DNMT3B: variants seen among roughly 807,000 people sequenced by gnomAD.
DNMT3B encodes DNA (cytosine-5)-methyltransferase 3B.
In DNMT3B, 37 loss-of-function variants were observed where a neutral mutation model predicts 120.2. That is an observed-to-expected ratio of 0.31 (90% CI 0.24 to 0.40). DNMT3B has a LOEUF of 0.40. DNMT3B is among the 10% of genes least tolerant of loss of function. The pLI is 1.00. For synonymous variants in DNMT3B, 412 were observed against 442.8 expected, an observed-to-expected ratio of 0.93 and a Z score of 0.87; for missense variants, 878 against 1,137.3, an observed-to-expected ratio of 0.77 and a Z score of 3.28.
intron 1 of DNMT3B, among the ~76,000 whole-genome samples, chr20:32,779,326 C>T (rs890000681): frequency 2.6e-5 from 4 of 152,222 alleles, no homozygotes; most frequent in Admixed American, 2.0e-4. Flanking sequence ...CCTGGCCCTA[C>T]CTCTTAGATG....
At chr20:32,783,650 C>G (rs1293062985) in intron 3 of DNMT3B, among the ~76,000 whole-genome samples, 2 of 152,060 alleles carry the variant, frequency 1.3e-5, no homozygotes, top group Non-Finnish European at 2.9e-5. Flanking sequence ...ATCAGAGGCT[C>G]AGCACTGCTG....
At chr20:32,763,547 C>T (rs1987106959) in intron 1 of DNMT3B, among the ~76,000 whole-genome samples, 1 of 152,228 alleles carries the variant, frequency 6.6e-6, no homozygotes, top group Admixed American at 6.5e-5. Context: ...GGCCTCAAAA[C>T]CTCTAGCACC....
At position 32,766,951 on chromosome 20, in the gene DNMT3B, C is replaced by T. The variant is rs564470355; in HGVS notation, c.-7+4252C>T. On this transcript the variant is annotated intron_variant, in intron 1 of 22. Transcript: ENST00000328111. ...TGTCGCCCAGGTTGGAGTGCAATGGCGTGGTCTCGGCTCACTGCAACCTTT... is the reference window on the plus strand; with the variant it reads ...TGTCGCCCAGGTTGGAGTGCAATGGTGTGGTCTCGGCTCACTGCAACCTTT... Among the ~76,000 whole-genome samples the T allele has an allele frequency of 2.6e-5, 4 of 151,742 alleles. No individual in the cohort carries two copies. In the South Asian group the frequency reaches 8.3e-4, roughly 32 times the overall value.
Position 32,791,630 on chromosome 20 carries a change from G to T in DNMT3B, c.843G>T (p.Gly281=). Residue 281 remains glycine (G), a synonymous_variant, in exon 8 of 23, where the codon GGG becomes GGT. Coordinates refer to ENST00000328111, the MANE Select transcript of DNMT3B (RefSeq NM_006892.4). ...CTGCAGACAAACTGGTGGCACTGGG[G>T]CTGTTCAGCCAGCACTTTAATTTGG... ...EVSADKLVAL[G]LFSQHFNLAT... 1 of 1,614,148 alleles carries T rather than the reference G, an allele frequency of 6.2e-7. No individual in the cohort carries two copies. Among genetic ancestry groups the T allele is most frequent in the Non-Finnish European group, 8.5e-7 (1 of 1,179,992 alleles).
intron 9 of DNMT3B, 90 bp from the exon 10 acceptor site, chr20:32,793,446 T>A (rs1980224522): frequency 1.4e-6 from 2 of 1,445,404 alleles, no homozygotes; most frequent in Non-Finnish European, 1.9e-6. Context: ...CAAGCCTGGG[T>A]GACAGAGCAA....
At chr20:32,767,035 C>T (rs1040784137) in intron 1 of DNMT3B, among the ~76,000 whole-genome samples, 14 of 152,012 alleles carry the variant, frequency 9.2e-5, no homozygotes, top group South Asian at 2.1e-4. Context: ...GGACTACGGG[C>T]GTGGTGGTGC....
intron 3 of DNMT3B, among the ~76,000 whole-genome samples, chr20:32,782,253 G>A (rs992791665): frequency 7.2e-5 from 11 of 152,222 alleles, no homozygotes; most frequent in Non-Finnish European, 1.3e-4. Flanking sequence ...CTGATTGACA[G>A]CAGTGCTTTG....
At chr20:32,774,508 CTTTTTTTTTTTT>C (rs386393640) in intron 1 of DNMT3B, among the ~76,000 whole-genome samples, 1 of 98,512 alleles carries the variant, frequency 1.0e-5, no homozygotes, top group Non-Finnish European at 1.9e-5. Flanking sequence ...CGCGCCTGGC[CTTTTTTTTTTTT>C]TTTTTTTTTT....
Position 32,799,369 on chromosome 20 carries a change from C to T in DNMT3B, c.1759+41C>T, listed in dbSNP as rs371994972. 81 of 1,592,988 alleles carry T rather than the reference C, an allele frequency of 5.1e-5. No homozygotes were observed. The African/African-American group carries it at 9.5e-4, about 19-fold the overall frequency. ...ACCTGGAGACACTGCTATCGTGTCA[C>T]AACAGGGTAGCCAGGGAGTCAGAAG... On this transcript the variant is annotated intron_variant, in intron 16 of 22. Transcript: ENST00000328111.
intron 5 of DNMT3B, 99 bp downstream of exon 5, chr20:32,786,726 T>C: frequency 6.3e-7 from 1 of 1,582,040 alleles, no homozygotes; most frequent in East Asian, 2.2e-5. Flanking sequence ...ATAATCTGTG[T>C]CCTTTTTTCA....
At position 32,805,335 on chromosome 20, in the gene DNMT3B, C is replaced by T. The variant is rs1217720028; in HGVS notation, c.2232-3C>T. 2 of 1,614,048 alleles carry T rather than the reference C, an allele frequency of 1.2e-6. No individual in the cohort carries two copies. The highest frequency in any genetic ancestry group is 1.7e-6 in the Non-Finnish European group (2 of 1,180,026). On this transcript the variant is annotated splice_region_variant and splice_polypyrimidine_tract_variant and intron_variant, in intron 20 of 22. Transcript: ENST00000328111. ...AGAAGTAATGGGTTTTGGCTGTTCC[C>T]AGGCCCGTGATAGCATCAAAGAATG...
intron 1 of DNMT3B, among the ~76,000 whole-genome samples, chr20:32,777,023 A>G (rs888039818): frequency 3.9e-5 from 6 of 152,218 alleles, no homozygotes; most frequent in African/African-American, 1.4e-4. Context: ...AGCTGTGGCT[A>G]TAAGGCAATG....
intron 4 of DNMT3B, among the ~76,000 whole-genome samples, chr20:32,785,862 T>TTTTC (rs10623814): frequency 0.5 from 74,716 of 149,078 alleles, 19,711 homozygotes; most frequent in East Asian, 0.98. Context: ...GAACACGAAT[T>TTTTC]TTTCTTTCTT....
intron 1 of DNMT3B, among the ~76,000 whole-genome samples, chr20:32,763,706 C>T (rs75138939): frequency 0.027 from 4,046 of 152,318 alleles, 73 homozygotes; most frequent in Non-Finnish European, 0.047. Flanking sequence ...GCTGGAGGAT[C>T]TCACCTGTGG....
chr20:32,792,606 C>T lies in DNMT3B; in HGVS notation c.922-20C>T. On this transcript the variant is annotated intron_variant, in intron 8 of 22. Transcript: ENST00000328111. ...ACCTCCTCCCCACCCCCCCATTCAT[C>T]ACAGACTCTGCCTTTGCAGAAAGCT... 1 of 1,614,154 alleles carries T rather than the reference C, an allele frequency of 6.2e-7. No individual in the cohort carries two copies. Among genetic ancestry groups the T allele is most frequent in the Non-Finnish European group, 8.5e-7 (1 of 1,180,008 alleles).
intron 1 of DNMT3B, among the ~76,000 whole-genome samples, chr20:32,770,194 C>A (rs1253471715): frequency 6.6e-6 from 1 of 152,146 alleles, no homozygotes; most frequent in Non-Finnish European, 1.5e-5. Flanking sequence ...CTCACTGCAA[C>A]CTCCACCTCC....
At chr20:32,788,819 C>T in intron 6 of DNMT3B, 35 bp from the exon 7 acceptor site, 9 of 1,614,140 alleles carry the variant, frequency 5.6e-6, no homozygotes, top group Non-Finnish European at 7.6e-6. Flanking sequence ...ATGGCCTCTC[C>T]TCACTGGGAT....
intron 20 of DNMT3B, among the ~76,000 whole-genome samples, chr20:32,803,234 T>C (rs1981572509): frequency 6.6e-6 from 1 of 152,206 alleles, no homozygotes. Context: ...CTATATGTGG[T>C]TTCAAGGAGA....
chr20:32,797,042 A>T, intron 13 of DNMT3B, 145 bp from the exon 14 acceptor site: 1 of 1,607,364 alleles, frequency 6.2e-7, no homozygotes, highest in Non-Finnish European at 8.5e-7. Context: ...AATGGCACGC[A>T]GGTCACAGCC....
Sources: gnomAD v4.1 joint callset for allele counts (sites outside exome capture counted in the v4.1 genomes callset) on GRCh38, gnomAD v4.1.1 for gene constraint, MANE v1.5 for transcripts, NCBI Gene and HGNC (gene_info 2026-07-23, HGNC 2026-07-21) for gene names.